THOP1: variants seen among roughly 807,000 people sequenced by gnomAD.
THOP1 encodes the protein thimet oligopeptidase.
Under a neutral mutation model 71.8 loss-of-function variants are expected in THOP1, and 49 were observed. That is an observed-to-expected ratio of 0.68 (90% CI 0.54 to 0.87). The LOEUF is 0.87. Ranked by LOEUF, THOP1 falls within the 40% of genes least tolerant of loss-of-function variation. The pLI is 0.00. For synonymous variants in THOP1, 426 were observed against 421.5 expected (o/e 1.01, Z -0.13); for missense variants, 843 against 975.6 (o/e 0.86, Z 1.81).
chr19:2,803,954 A>G (rs1043942263), intron 5 of THOP1, among the ~76,000 whole-genome samples: 1 of 150,932 alleles, frequency 6.6e-6, no homozygotes, highest in Non-Finnish European at 1.5e-5. Context: ...TGAGCTCCCA[A>G]TCATTCTTTC....
intron 11 of THOP1, 86 bp from the exon 12 acceptor site, chr19:2,811,512 C>A: frequency 6.5e-7 from 1 of 1,526,892 alleles, no homozygotes. Flanking sequence ...GGGCAGGGGT[C>A]TCAGGAGTCT....
chr19:2,793,479 CA>C (rs563312238), intron 2 of THOP1, among the ~76,000 whole-genome samples: 133 of 152,148 alleles, frequency 8.7e-4, no homozygotes, highest in Middle Eastern at 3.4e-3. Flanking sequence ...ATCATGAGGT[CA>C]GGAGTTCAAG....
intron 1 of THOP1, among the ~76,000 whole-genome samples, chr19:2,789,456 G>A (rs1049073910): frequency 1.8e-4 from 28 of 152,278 alleles, no homozygotes; most frequent in African/African-American, 6.7e-4. Flanking sequence ...GTGAGTGGCC[G>A]GGCCACATAT....
At chr19:2,786,554 A>G (rs1384981469) in intron 1 of THOP1, among the ~76,000 whole-genome samples, 2 of 151,542 alleles carry the variant, frequency 1.3e-5, no homozygotes, top group Non-Finnish European at 2.9e-5. Context: ...CTTTTAATTT[A>G]GAGGCAAAGG....
At position 2,815,783 on chromosome 19, in the gene THOP1, G is replaced by A. The variant is rs1383800594; in HGVS notation, c.*2507G>A. On this transcript the variant is annotated 3_prime_UTR_variant, in exon 13 of 13. Coordinates refer to ENST00000307741, the MANE Select transcript of THOP1 (RefSeq NM_003249.5). ...TGCTCCCCAGTGGAAAAAAAAGGGG[G>A]AAATAAAGAATCGTAAAAAATACAT... is the stretch of plus-strand genomic sequence containing the variant. 6.6e-6 allele frequency: 1 copy of A among 152,224 alleles called. No homozygotes were observed. The highest frequency in any genetic ancestry group is 1.5e-5 in the Non-Finnish European group (1 of 68,046). The allele number at this position is 152,224 out of a possible 1,614,324, so 9.4% of individuals were successfully genotyped here. A position where few individuals can be genotyped will look rare whatever the true frequency, so the allele number is the denominator to read the frequency against.
intron 5 of THOP1, among the ~76,000 whole-genome samples, chr19:2,800,625 G>T (rs1916123149): frequency 6.6e-6 from 1 of 152,264 alleles, no homozygotes; most frequent in South Asian, 2.1e-4. Flanking sequence ...TCACCTGGGC[G>T]TATGTTTCCT....
At chr19:2,793,098 C>A (rs1915922857) in intron 2 of THOP1, among the ~76,000 whole-genome samples, 1 of 151,888 alleles carries the variant, frequency 6.6e-6, no homozygotes, top group African/African-American at 2.4e-5. Flanking sequence ...TCACTTGAAC[C>A]CGGGAGGCGG....
At chr19:2,790,110 TG>T (rs1345045991) in intron 1 of THOP1, among the ~76,000 whole-genome samples, 3 of 152,154 alleles carry the variant, frequency 2.0e-5, no homozygotes, top group Non-Finnish European at 4.4e-5. Context: ...CGTTCTCTGC[TG>T]GGGCCGTCCT....
Position 2,807,720 on chromosome 19 carries a change from G to T in THOP1, c.1165G>T (p.Ala389Ser). ...CTTCCACCACGAGGAGGGCGCCAGTGCCTGGCATGAGGACGTGCGGCTCTA... is the reference window on the plus strand; with the variant it reads ...CTTCCACCACGAGGAGGGCGCCAGTTCCTGGCATGAGGACGTGCGGCTCTA... Reference protein sequence around the residue: ...LAFHHEEGASAWHEDVRLYTA... With the variant: ...LAFHHEEGASSWHEDVRLYTA... The change falls in exon 8 of 13, where the codon GCC becomes TCC. Residue 389 changes from alanine to serine, a missense_variant. Transcript: ENST00000307741. The T allele has an allele frequency of 6.3e-7, 1 of 1,599,272 alleles. No homozygotes were observed.
chr19:2,808,773 AT>A (rs1335133811), intron 9 of THOP1, among the ~76,000 whole-genome samples: 1 of 152,246 alleles, frequency 6.6e-6, no homozygotes, highest in East Asian at 1.9e-4. Flanking sequence ...CCGCATCCTC[AT>A]GTGGTCGTCC....
rs777964568 is a variant in THOP1 at position 2,804,471 on chromosome 19, G to A, written c.590-545G>A. The A allele has an allele frequency of 2.6e-5, 4 of 153,890 alleles. No homozygotes were observed. The highest frequency in any genetic ancestry group is 5.8e-5 in the Non-Finnish European group (4 of 69,330). 9.5% of individuals were successfully genotyped at this position (153,890 alleles called of 1,614,324 possible). On this transcript the variant is annotated intron_variant, in intron 5 of 12. Coordinates refer to ENST00000307741, the MANE Select transcript of THOP1 (RefSeq NM_003249.5). This position sits in a 1 kb window ranked among gnomAD's most constrained non-coding sequence, Gnocchi z 4.7. ...TGAGCGGGAGGCTCTGCCTGGGGGT[G>A]GTTCTTCAGGAAAAGCAAAGCAGGA...
rs199651055 is a variant in THOP1, at chr19:2,811,645, G to A, written c.1819G>A (p.Ala607Thr). The A allele has an allele frequency of 9.5e-5, 153 of 1,613,270 alleles. No individual in the cohort carries two copies. The highest frequency in any genetic ancestry group is 2.8e-4 in the Admixed American group (17 of 59,986). ...CGGCCATCTGGCAGGTGGCTACGAC[G>A]CCCAGTACTACGGGTACCTGTGGAG... ...TFGHLAGGYD[A>T]QYYGYLWSEV... Residue 607 changes from alanine to threonine, a missense_variant, in exon 12 of 13, where the codon GCC (alanine) becomes ACC (threonine). By Grantham distance (58) the Ala-to-Thr change is moderately conservative. Coordinates refer to ENST00000307741, the MANE Select transcript of THOP1 (RefSeq NM_003249.5).
At chr19:2,787,751 G>T (rs1915782411) in intron 1 of THOP1, among the ~76,000 whole-genome samples, 1 of 152,162 alleles carries the variant, frequency 6.6e-6, no homozygotes, top group African/African-American at 2.4e-5. Context: ...ACGGTGTCTG[G>T]GGACATTTGT....
At chr19:2,793,187 CA>C (rs1052057282) in intron 2 of THOP1, among the ~76,000 whole-genome samples, 5 of 150,610 alleles carry the variant, frequency 3.3e-5, no homozygotes, top group Admixed American at 1.3e-4. Context: ...AACAAACAAA[CA>C]AAAAAAAACC....
At chr19:2,809,107 T>C (rs1362177660) in intron 9 of THOP1, among the ~76,000 whole-genome samples, 2 of 152,194 alleles carry the variant, frequency 1.3e-5, no homozygotes, top group Non-Finnish European at 2.9e-5. Flanking sequence ...CCCTGAGAAG[T>C]GCATGCAGAC....
chr19:2,807,844 G>A (rs751930105), intron 8 of THOP1, 36 bp downstream of exon 8: 24 of 1,432,138 alleles, frequency 1.7e-5, no homozygotes, highest in East Asian at 1.3e-4. Flanking sequence ...GGCGCACCCC[G>A]GCCCTGGGTC....
chr19:2,790,402 G>T lies in THOP1; in HGVS notation c.17-19G>T. The T allele has an allele frequency of 6.6e-7, 1 of 1,511,456 alleles. No individual in the cohort carries two copies. The allele number at this position is 1,511,456 out of a possible 1,614,324, so 93.6% of individuals were successfully genotyped here. On this transcript the variant is annotated intron_variant, in intron 1 of 12. Coordinates refer to ENST00000307741, the MANE Select transcript of THOP1 (RefSeq NM_003249.5). ...ACCGAAAGCAGACCCGCCCGGCACT[G>T]GGTTTTGTTTCTGCGTAGCCTGTGC...
intron 2 of THOP1, among the ~76,000 whole-genome samples, chr19:2,791,041 G>A (rs1053355221): frequency 6.6e-6 from 1 of 152,214 alleles, no homozygotes; most frequent in African/African-American, 2.4e-5. Flanking sequence ...TCCCTGGCCC[G>A]GGAAGGCGGG....
At chr19:2,811,576 C>T (rs200726999) in intron 11 of THOP1, 22 bp from the exon 12 acceptor site, 37 of 1,608,038 alleles carry the variant, frequency 2.3e-5, no homozygotes, top group Non-Finnish European at 3.1e-5. Flanking sequence ...ACAGCGTGAA[C>T]CCTGCCATGT....
Sources: allele counts gnomAD v4.1 joint callset (sites outside exome capture counted in the v4.1 genomes callset), GRCh38; gene constraint gnomAD v4.1.1; non-coding constraint Gnocchi (gnomAD v3.1); transcripts MANE v1.5; gene names NCBI Gene and HGNC (gene_info 2026-07-23, HGNC 2026-07-21).